The following PDE8A variants were observed in gnomAD, a reference collection of about 807,000 sequenced individuals.
PDE8A encodes the protein phosphodiesterase 8A.
A neutral mutation model predicts 105.0 loss-of-function variants in PDE8A; 59 were observed. The observed-to-expected ratio is 0.56, with a 90% CI of 0.46 to 0.70. The LOEUF (loss-of-function observed/expected upper bound fraction) is 0.70, where lower values mean the gene tolerates loss of function less well. Among genes scored for constraint, PDE8A ranks in the 30% least tolerant of loss-of-function variants. PDE8A has a pLI of 0.00. For synonymous variants in PDE8A, 355 were observed against 371.9 expected (o/e 0.95, Z 0.52); for missense variants, 1,014 against 1,045.9 (o/e 0.97, Z 0.42).
chr15:85,058,067 T>G (rs1250728743), intron 1 of PDE8A, among the ~76,000 whole-genome samples: 1 of 152,146 alleles, frequency 6.6e-6, no homozygotes, highest in Admixed American at 6.6e-5. Context: ...TTACCTAGGC[T>G]GGAATGCAGT....
chr15:85,021,143 C>T (rs56021902), intron 1 of PDE8A, among the ~76,000 whole-genome samples: 13,156 of 152,172 alleles, frequency 0.086, 1,567 homozygotes, highest in African/African-American at 0.27. Flanking sequence ...TCCTGTCCGC[C>T]TTGTAAGAAC....
At chr15:85,062,228 C>T (rs771741502) in intron 1 of PDE8A, among the ~76,000 whole-genome samples, 6 of 151,900 alleles carry the variant, frequency 3.9e-5, no homozygotes, top group South Asian at 4.1e-4. Context: ...AATCATTCTC[C>T]GTCTTCCCCA....
At chr15:85,038,631 C>T (rs931079990) in intron 1 of PDE8A, among the ~76,000 whole-genome samples, 10 of 151,944 alleles carry the variant, frequency 6.6e-5, no homozygotes, top group Admixed American at 2.0e-4. Flanking sequence ...ATATAAGAAC[C>T]GCAAACTACT....
At position 85,127,372 on chromosome 15, in the gene PDE8A, C is replaced by T. The variant is rs79210877; in HGVS notation, c.2253+998C>T. On this transcript the variant is annotated intron_variant, in intron 20 of 21. Coordinates refer to ENST00000394553, the MANE Select transcript of PDE8A (RefSeq NM_002605.3). ...GAGGTTTAAAGAACAAAAAGTAAGACATACATTTGCTTCTGTTTGCAGATG... is the reference window on the plus strand; with the variant it reads ...GAGGTTTAAAGAACAAAAAGTAAGATATACATTTGCTTCTGTTTGCAGATG... Among the ~76,000 whole-genome samples the T allele has an allele frequency of 3.3e-5, 5 of 152,100 alleles. No homozygotes were observed. The East Asian group carries it at 7.7e-4, about 23-fold the overall frequency.
Position 85,075,880 on chromosome 15 carries a change from ACT to A in PDE8A, c.457_458del (p.Ser153ArgfsTer14). The A allele has an allele frequency of 6.4e-7, 1 of 1,567,902 alleles. No homozygotes were observed. The highest frequency in any genetic ancestry group is 8.7e-7 in the Non-Finnish European group (1 of 1,144,496). On this transcript the variant is annotated frameshift_variant, in exon 4 of 22. Transcript: ENST00000394553. LOFTEE classifies it high-confidence loss of function. Reference sequence around the variant, plus strand: ...TTTTAAGGTCTATCAGATCATCAAAACTCTCAGAAAACACAGTTATTGTTGGT... The same window carrying A: ...TTTTAAGGTCTATCAGATCATCAAAACTCAGAAAACACAGTTATTGTTGGT... Reference protein sequence around the residue: ...ALCRSIRSSKLSENTVIVGVV... With the variant: ...ALCRSIRSSKXSENTVIVGVV...
intron 1 of PDE8A, among the ~76,000 whole-genome samples, chr15:85,051,779 A>C (rs1396896435): frequency 2.0e-5 from 3 of 152,062 alleles, no homozygotes; most frequent in Non-Finnish European, 4.4e-5. Flanking sequence ...GTTTGTGCAA[A>C]GGACGTGATC....
chr15:85,115,478 T>C lies in PDE8A; in HGVS notation c.1390T>C (p.Ser464Pro), dbSNP rs988238527. Residue 464 changes from serine to proline, a missense_variant, in exon 15 of 22, where the codon TCA (serine) becomes CCA (proline). Physicochemically the swap from Ser to Pro is moderately conservative, Grantham distance 74. Coordinates refer to ENST00000394553, the MANE Select transcript of PDE8A (RefSeq NM_002605.3). ...ACTATCAGGGAATGAATATGTTCTT[T>C]CAACAAAAAGTAAGTTTTTCCTTTT... ...RRLSGNEYVL[S>P]TKNTQMVSSN... 1.3e-6 allele frequency: 2 copies of C among 1,513,470 alleles called. No homozygotes were observed. Among genetic ancestry groups the C allele is most frequent in the African/African-American group, 2.9e-5 (2 of 69,854 alleles). 93.8% of individuals were successfully genotyped at this position (1,513,470 alleles called of 1,614,324 possible).
chr15:85,086,787 G>A (rs753778519), intron 6 of PDE8A, among the ~76,000 whole-genome samples: 37 of 151,612 alleles, frequency 2.4e-4, no homozygotes, highest in Non-Finnish European at 4.7e-4. Context: ...GTCTCACTCC[G>A]TTGCCCAGGC....
intron 1 of PDE8A, among the ~76,000 whole-genome samples, chr15:85,026,044 A>C (rs1221459189): frequency 6.6e-6 from 1 of 152,234 alleles, no homozygotes; most frequent in Non-Finnish European, 1.5e-5. Flanking sequence ...CAGGCTTCAA[A>C]TATGGAATTA....
chr15:85,116,451 A>C, intron 16 of PDE8A: 1 of 254,246 alleles, frequency 3.9e-6, no homozygotes, highest in Non-Finnish European at 7.5e-6. Flanking sequence ...GCCTAGAACC[A>C]AAATTTATTA....
intron 11 of PDE8A, among the ~76,000 whole-genome samples, chr15:85,101,423 A>G (rs763163180): frequency 5.9e-5 from 9 of 152,200 alleles, no homozygotes; most frequent in Non-Finnish European, 1.3e-4. Flanking sequence ...CAGGCATAGA[A>G]GGGGGAAAGT....
At chr15:84,981,417 T>C (rs1221657581), upstream of PDE8A, among the ~76,000 whole-genome samples, 1 of 151,942 alleles carries the variant, frequency 6.6e-6, no homozygotes, top group Non-Finnish European at 1.5e-5. Flanking sequence ...CGCCAGCAAC[T>C]CCTGGGTGCG....
intron 20 of PDE8A, among the ~76,000 whole-genome samples, chr15:85,133,853 G>C (rs1177544054): frequency 1.3e-5 from 2 of 152,234 alleles, no homozygotes; most frequent in African/African-American, 2.4e-5. Context: ...AGGCATCTCT[G>C]GTTTGTCTCT....
chr15:85,102,929 A>G (rs1201919222), intron 11 of PDE8A, among the ~76,000 whole-genome samples: 3 of 152,078 alleles, frequency 2.0e-5, no homozygotes, highest in Non-Finnish European at 4.4e-5. Context: ...AGGCTCAGAA[A>G]AGTTCAATGA....
intron 11 of PDE8A, among the ~76,000 whole-genome samples, chr15:85,105,852 C>T (rs1267675821): frequency 2.6e-5 from 4 of 152,132 alleles, no homozygotes; most frequent in African/African-American, 9.7e-5. Flanking sequence ...AGCTGGTAGT[C>T]TCATTGGGAT....
At chr15:85,003,294 A>G (rs2080094464) in intron 1 of PDE8A, among the ~76,000 whole-genome samples, 1 of 152,326 alleles carries the variant, frequency 6.6e-6, no homozygotes, top group African/African-American at 2.4e-5. Flanking sequence ...ACAGGAAACA[A>G]TGTCCATCAG....
At chr15:85,085,622 C>G (rs1596502614) in intron 6 of PDE8A, among the ~76,000 whole-genome samples, 1 of 151,232 alleles carries the variant, frequency 6.6e-6, no homozygotes, top group African/African-American at 2.4e-5. Flanking sequence ...TTGCAGTGAG[C>G]TGAGATCGTG....
At chr15:85,026,875 G>A (rs2080526441) in intron 1 of PDE8A, among the ~76,000 whole-genome samples, 1 of 152,148 alleles carries the variant, frequency 6.6e-6, no homozygotes, top group South Asian at 2.1e-4. Context: ...TGAAACTTGT[G>A]TTTCAGTTAT....
chr15:85,058,160 A>G (rs111593003), intron 1 of PDE8A, among the ~76,000 whole-genome samples: 1,723 of 152,280 alleles, frequency 0.011, 17 homozygotes, highest in Non-Finnish European at 0.018. Context: ...GTCTCACTGC[A>G]GCCTCGACTT....
Sources: allele counts gnomAD v4.1 joint callset (sites outside exome capture counted in the v4.1 genomes callset), GRCh38; gene constraint gnomAD v4.1.1; transcripts MANE v1.5; gene names NCBI Gene and HGNC (gene_info 2026-07-23, HGNC 2026-07-21).